Variants in WDPCP observed in about 807,000 individuals in gnomAD.
The protein encoded by WDPCP is WD repeat containing planar cell polarity effector.
WDPCP carries 71 observed loss-of-function variants against 93.1 expected under a neutral mutation model. The ratio of observed to expected loss-of-function variants is 0.76; its 90% confidence interval spans 0.63 to 0.93. The LOEUF is 0.93. WDPCP is among the 40% of genes least tolerant of loss of function. WDPCP has a pLI of 0.00. For synonymous variants in WDPCP, 315 were observed against 315.0 expected (o/e 1.00, Z 0.00); for missense variants, 844 against 887.4 (o/e 0.95, Z 0.62).
At chr2:63,342,814 T>C (rs1225552504) in intron 12 of WDPCP, among the ~76,000 whole-genome samples, 1 of 152,210 alleles carries the variant, frequency 6.6e-6, no homozygotes, top group Non-Finnish European at 1.5e-5. Context: ...TGTAGTTATC[T>C]TTACACGTTC....
intron 14 of WDPCP, among the ~76,000 whole-genome samples, chr2:63,220,828 T>G (rs1038868823): frequency 2.6e-5 from 4 of 152,122 alleles, no homozygotes; most frequent in African/African-American, 9.7e-5. Flanking sequence ...CTGCATGCAT[T>G]AGCTATATTT....
chr2:63,137,577 A>C (rs1670716984), intron 17 of WDPCP, among the ~76,000 whole-genome samples: 1 of 151,956 alleles, frequency 6.6e-6, no homozygotes, highest in Non-Finnish European at 1.5e-5. Flanking sequence ...CCATTAGTCA[A>C]TTTTGCTTTT....
At chr2:63,255,233 G>C (rs1040672004) in intron 14 of WDPCP, among the ~76,000 whole-genome samples, 1 of 152,000 alleles carries the variant, frequency 6.6e-6, no homozygotes. Context: ...AAATAATGCC[G>C]GTCACAACTT....
At chr2:63,433,447 G>C (rs540359170) in intron 9 of WDPCP, among the ~76,000 whole-genome samples, 1 of 152,202 alleles carries the variant, frequency 6.6e-6, no homozygotes, top group South Asian at 2.1e-4. Context: ...TTATCATCAT[G>C]AACTGTATTT....
chr2:63,628,269 A>C (rs993294847), intron 3 of WDPCP, among the ~76,000 whole-genome samples: 1 of 152,186 alleles, frequency 6.6e-6, no homozygotes, highest in Non-Finnish European at 1.5e-5. Flanking sequence ...GCGATAAAAA[A>C]TTTTTTTCTC....
intron 17 of WDPCP, among the ~76,000 whole-genome samples, chr2:63,148,949 A>G (rs2103785889): frequency 6.6e-6 from 1 of 152,224 alleles, no homozygotes; most frequent in East Asian, 1.9e-4. Flanking sequence ...ATAAAAGGAG[A>G]TTATCTGTAT....
the WDPCP span, among the ~76,000 whole-genome samples, chr2:63,839,043 C>A: frequency 6.6e-6 from 1 of 152,096 alleles, no homozygotes; most frequent in Admixed American, 6.5e-5. Flanking sequence ...CAGATGTAGC[C>A]CCTGAAGATG....
At chr2:63,820,700 C>T (rs1476340286) in intron 1 of WDPCP, among the ~76,000 whole-genome samples, 5 of 151,968 alleles carry the variant, frequency 3.3e-5, no homozygotes, top group African/African-American at 1.2e-4. Flanking sequence ...AACGTGTGTT[C>T]TTTTTAGGAA....
At chr2:63,206,081 C>G (rs1676316599) in intron 14 of WDPCP, among the ~76,000 whole-genome samples, 1 of 152,162 alleles carries the variant, frequency 6.6e-6, no homozygotes, top group African/African-American at 2.4e-5. Flanking sequence ...TGAAAATGAT[C>G]ATACGGCTTT....
chr2:63,632,859 T>C (rs1254306005), intron 3 of WDPCP, among the ~76,000 whole-genome samples: 1 of 152,152 alleles, frequency 6.6e-6, no homozygotes, highest in African/African-American at 2.4e-5. Flanking sequence ...TGTATGGATA[T>C]ATAGGAATAT....
intron 12 of WDPCP, among the ~76,000 whole-genome samples, chr2:63,358,761 GCT>G (rs1690214232): frequency 6.6e-6 from 1 of 152,058 alleles, no homozygotes; most frequent in Non-Finnish European, 1.5e-5. Context: ...GGCCTCCAAT[GCT>G]CTCTTAACTC....
chr2:63,541,337 C>G (rs973063395), intron 1 of WDPCP, among the ~76,000 whole-genome samples: 9 of 152,002 alleles, frequency 5.9e-5, no homozygotes, highest in African/African-American at 2.2e-4. Context: ...TGCATGTAAA[C>G]AAATGGCTTG....
At chr2:63,414,948 T>A (rs1284031317) in intron 9 of WDPCP, among the ~76,000 whole-genome samples, 2 of 152,180 alleles carry the variant, frequency 1.3e-5, no homozygotes, top group Admixed American at 1.3e-4. Context: ...TAGATTACTC[T>A]TAAAAGCCAG....
chr2:63,718,178 T>G (rs553829384), intron 2 of WDPCP, among the ~76,000 whole-genome samples: 2 of 152,232 alleles, frequency 1.3e-5, no homozygotes, highest in Non-Finnish European at 2.9e-5. Context: ...CTACTTAGGT[T>G]GATTCCATAT....
chr2:63,396,673 T>G (rs1575324021), intron 10 of WDPCP, among the ~76,000 whole-genome samples: 2 of 152,088 alleles, frequency 1.3e-5, no homozygotes, highest in Non-Finnish European at 2.9e-5. Flanking sequence ...TTTTTAACTT[T>G]TATTTTAGGT....
intron 2 of WDPCP, among the ~76,000 whole-genome samples, chr2:63,805,170 T>G (rs1181509850): frequency 6.6e-6 from 1 of 152,156 alleles, no homozygotes; most frequent in Admixed American, 6.5e-5. Context: ...CAGGGACAAT[T>G]TACAATTTAA....
chr2:63,593,357 G>A (rs1709239019), upstream of WDPCP: 2 of 315,186 alleles, frequency 6.3e-6, no homozygotes, highest in Non-Finnish European at 6.5e-6. Flanking sequence ...GCCTCCCAAA[G>A]TGCTGAGATT....
At chr2:63,344,716 C>T (rs1558498062) in intron 12 of WDPCP, among the ~76,000 whole-genome samples, 2 of 152,116 alleles carry the variant, frequency 1.3e-5, no homozygotes, top group African/African-American at 4.8e-5. Flanking sequence ...ATACACACTG[C>T]CAGAAATGCT....
chr2:63,354,533 T>C (rs1689863045), intron 12 of WDPCP, among the ~76,000 whole-genome samples: 1 of 152,082 alleles, frequency 6.6e-6, no homozygotes, highest in Non-Finnish European at 1.5e-5. Context: ...GGAGTCACAA[T>C]CATTAAGCAA....
Sources: gnomAD v4.1 joint callset for allele counts (sites outside exome capture counted in the v4.1 genomes callset) on GRCh38, gnomAD v4.1.1 for gene constraint, MANE v1.5 for transcripts, NCBI Gene and HGNC (gene_info 2026-07-23, HGNC 2026-07-21) for gene names.